Variants in DNAH1 observed in about 807,000 individuals in gnomAD.
DNAH1 encodes axonemal beta dynein heavy chain 1.
A neutral mutation model predicts 484.3 loss-of-function variants in DNAH1; 327 were observed. That is an observed-to-expected ratio of 0.68 (90% confidence interval 0.62 to 0.74). DNAH1 has a LOEUF of 0.74. DNAH1 is among the 30% of genes least tolerant of loss of function. DNAH1 has a pLI of 0.00. For synonymous variants in DNAH1, 2,192 were observed against 2,191.9 expected (o/e 1.00, Z 0.00); for missense variants, 5,052 against 5,546.8 (o/e 0.91, Z 2.83).
At chr3:52,347,382 G>A (rs902097982) in intron 11 of DNAH1, among the ~76,000 whole-genome samples, 2 of 152,196 alleles carry the variant, frequency 1.3e-5, no homozygotes, top group African/African-American at 4.8e-5. Context: ...GCAGGGACCA[G>A]GCCAGATCTC....
In DNAH1 at chr3:52,379,015, CGAG is replaced by C. The variant is rs1363401153; in HGVS notation, c.7377+237_7377+239del. On this transcript the variant is annotated intron_variant, in intron 47 of 77. Transcript: ENST00000420323. This position sits in a 1 kb window ranked among gnomAD's most constrained non-coding sequence, Gnocchi z 4.4. ...ATCACATGAGAGAGCCAGGGCAAGA[CGAG>C]GGAGAAAGAGGGCTTCTGGTTTGGG... 6.6e-6 allele frequency among the ~76,000 whole-genome samples: 1 copy of C among 152,114 alleles called. No homozygotes were observed. Among genetic ancestry groups the C allele is most frequent in the African/African-American group, 2.4e-5 (1 of 41,410 alleles).
intron 55 of DNAH1, 74 bp from the exon 56 acceptor site, chr3:52,386,588 C>A (rs1270966737): frequency 1.4e-6 from 2 of 1,453,528 alleles, no homozygotes; most frequent in African/African-American, 2.9e-5. Flanking sequence ...GTAGGGCCAA[C>A]CTTTCTGGCA....
Position 52,391,187 on chromosome 3 carries a change from C to G in DNAH1, c.9750C>G (p.Asp3250Glu), listed in dbSNP as rs1704359724. 7 of 1,613,966 alleles carry G rather than the reference C, an allele frequency of 4.3e-6. No homozygotes were observed. Among genetic ancestry groups the G allele is most frequent in the Non-Finnish European group, 5.9e-6 (7 of 1,179,878 alleles). ...ANKWIKNMEK[D>E]NGLDVFKLSD... is the part of the protein sequence containing the mutation. The stretch of plus-strand genomic sequence containing the variant: ...TTCCCCTTCCCTTACAGGAGAAGGA[C>G]AATGGGCTGGATGTGTTCAAGTTGA... Residue 3250 changes from aspartate to glutamate, a missense_variant, in exon 62 of 78, where the codon GAC becomes GAG. Physicochemically the swap from Asp to Glu is conservative, Grantham distance 45. Around this residue, in one of 4 missense-constraint regions of DNAH1, gnomAD observed 2,929 missense variants for 3,409.4 expected, o/e 0.86. Transcript: ENST00000420323.
In DNAH1 at chr3:52,392,899, G is replaced by A; in HGVS notation, c.10348G>A (p.Ala3450Thr). Residue 3450 changes from alanine to threonine, a missense_variant, in exon 65 of 78, where the codon GCC (alanine) becomes ACC (threonine). Coordinates refer to ENST00000420323, the MANE Select transcript of DNAH1 (RefSeq NM_015512.5). ...GACGCGCATGGAGTACATACCCGTGGCCATCCGCACCCAGATCCTCTTCTT... is the reference window on the plus strand; with the variant it reads ...GACGCGCATGGAGTACATACCCGTGACCATCCGCACCCAGATCCTCTTCTT... ...DLTRMEYIPVAIRTQILFFCV... is the reference protein window; with the variant it reads ...DLTRMEYIPVTIRTQILFFCV... 1 of 1,611,798 alleles carries A rather than the reference G, an allele frequency of 6.2e-7. No homozygotes were observed. Among genetic ancestry groups the A allele is most frequent in the Non-Finnish European group, 8.5e-7 (1 of 1,179,536 alleles).
In DNAH1 at chr3:52,396,749, C is replaced by T. The variant is rs1704648365; in HGVS notation, c.11562C>T (p.Ile3854=). ...EFTDGDLRIC[I]SQLKMFLDEY... The stretch of plus-strand genomic sequence containing the variant: ...CGGATGGAGATCTGCGCATCTGCAT[C>T]AGCCAGCTCAAGATGTTCCTGGACG... The change falls in exon 72 of 78, where the codon ATC becomes ATT. Residue 3854 remains isoleucine (I), a synonymous_variant. Transcript: ENST00000420323. 1.2e-6 allele frequency: 2 copies of T among 1,613,800 alleles called. No individual in the cohort carries two copies. Among genetic ancestry groups the T allele is most frequent in the East Asian group, 2.2e-5 (1 of 44,872 alleles).
Position 52,360,313 on chromosome 3 carries a change from A to G in DNAH1, c.4574A>G (p.Tyr1525Cys), listed in dbSNP as rs571496782. The G allele has an allele frequency of 1.2e-5, 19 of 1,612,898 alleles. No homozygotes were observed. In the South Asian group the frequency reaches 2.0e-4, roughly 17 times the overall value. Reference protein sequence around the residue: ...NDFQWISQLRYYWTNNDLYIR... With the variant: ...NDFQWISQLRCYWTNNDLYIR... ...CCCTCATCTCCCTGCACCGCCAGGTACTACTGGACAAATAATGACCTGTAT... is the reference window on the plus strand; with the variant it reads ...CCCTCATCTCCCTGCACCGCCAGGTGCTACTGGACAAATAATGACCTGTAT... The change falls in exon 28 of 78, where the codon TAC (tyrosine) becomes TGC (cysteine). Residue 1525 changes from tyrosine to cysteine, a missense_variant and splice_region_variant. Tyr to Cys is a radical substitution (Grantham distance 194). This residue lies in a region of DNAH1 where 2,929 missense variants were observed against 3,409.4 expected (regional missense o/e 0.86). Transcript: ENST00000420323.
chr3:52,331,014 G>A (rs1363402979), intron 6 of DNAH1, 134 bp from the exon 7 acceptor site: 3 of 1,138,646 alleles, frequency 2.6e-6, no homozygotes, highest in African/African-American at 3.2e-5. Flanking sequence ...CTGGAGCAGA[G>A]GGGGGCATCC....
Position 52,348,925 on chromosome 3 carries a change from T to C in DNAH1, c.2144T>C (p.Leu715Pro). ...GACATCTTCATCAGCGGTGACCCCC[T>C]GCTGGAGTCCGTGGGCCTTCATGAG... Reference protein sequence around the residue: ...MEDIFISGDPLLESVGLHEPL... With the variant: ...MEDIFISGDPPLESVGLHEPL... The change falls in exon 13 of 78, where the codon CTG (leucine) becomes CCG (proline). Residue 715 changes from leucine (L) to proline (P), a missense_variant. Transcript: ENST00000420323. 1 of 1,613,424 alleles carries C rather than the reference T, an allele frequency of 6.2e-7. No individual in the cohort carries two copies. The highest frequency in any genetic ancestry group is 8.5e-7 in the Non-Finnish European group (1 of 1,179,866).
chr3:52,349,222 C>T lies in DNAH1; in HGVS notation c.2328C>T (p.Ala776=). The stretch of plus-strand genomic sequence containing the variant: ...CCTACCAGACGCAGGGCCTGTTGGC[C>T]CAGGAGGTGCGGGAGGTAGTGCTCA... The part of the protein sequence containing the change: ...LKTYQTQGLL[A]QEVREVVLTH... Residue 776 remains alanine, a synonymous_variant, in exon 14 of 78, where the codon GCC becomes GCT. Coordinates refer to ENST00000420323, the MANE Select transcript of DNAH1 (RefSeq NM_015512.5). 2 of 1,613,792 alleles carry T rather than the reference C, an allele frequency of 1.2e-6. No individual in the cohort carries two copies. The highest frequency in any genetic ancestry group is 1.3e-5 in the African/African-American group (1 of 75,046).
At position 52,389,487 on chromosome 3, in the gene DNAH1, C is replaced by T. The variant is rs749898990; in HGVS notation, c.9522C>T (p.Asp3174=). ...FTGQYRTVLY[D]SWVKQLRSHN... ...GCCAGTACCGCACGGTGCTCTACGA[C>T]AGCTGGGTCAAGCAGCTCAGGAGCC... is the stretch of plus-strand genomic sequence containing the variant. The change falls in exon 60 of 78, where the codon GAC becomes GAT. Residue 3174 remains aspartate, a synonymous_variant. Coordinates refer to ENST00000420323, the MANE Select transcript of DNAH1 (RefSeq NM_015512.5). 2 of 1,608,028 alleles carry T rather than the reference C, an allele frequency of 1.2e-6. No individual in the cohort carries two copies. Among genetic ancestry groups the T allele is most frequent in the South Asian group, 1.1e-5 (1 of 89,688 alleles).
chr3:52,346,438 G>T, intron 10 of DNAH1, 34 bp from the exon 11 acceptor site: 1 of 1,578,260 alleles, frequency 6.3e-7, no homozygotes, highest in Non-Finnish European at 8.6e-7. Context: ...GGGTCCCCAG[G>T]GTGGCCATAT....
rs1296484909 is a variant in DNAH1 at position 52,358,348 on chromosome 3, G to A, written c.4087-210G>A. On this transcript the variant is annotated intron_variant, in intron 24 of 77. Coordinates refer to ENST00000420323, the MANE Select transcript of DNAH1 (RefSeq NM_015512.5). The surrounding 1 kb of genome is among the most constrained non-coding windows in gnomAD (Gnocchi z 4.2). ...CCTTCCCTAAAGCCTGCTTCATGCC[G>A]GGCCTGGGCTGGGGCCTGACCACTG... Among the ~76,000 whole-genome samples, 2 of 152,184 alleles carry A rather than the reference G, an allele frequency of 1.3e-5. No individual in the cohort carries two copies. The highest frequency in any genetic ancestry group is 2.9e-5 in the Non-Finnish European group (2 of 68,022).
intron 32 of DNAH1, among the ~76,000 whole-genome samples, chr3:52,363,578 G>T (rs1298523345): frequency 6.6e-6 from 1 of 152,216 alleles, no homozygotes; most frequent in Non-Finnish European, 1.5e-5. Flanking sequence ...AGATTCCAAG[G>T]ACAGATGGGG....
intron 76 of DNAH1, 96 bp downstream of exon 76, chr3:52,399,297 C>CCCTAAGCCAGGGCATGGAAAGA (rs1559579630): frequency 1.5e-6 from 2 of 1,313,858 alleles, no homozygotes; most frequent in African/African-American, 1.5e-5. Context: ...GTTGGGGGAC[C>CCCTAAGCCAGGGCATGGAAAGA]CCTAAGCCAG....
chr3:52,393,554 G>A, intron 66 of DNAH1, 69 bp downstream of exon 66: 1 of 1,585,836 alleles, frequency 6.3e-7, no homozygotes, highest in South Asian at 1.1e-5. Flanking sequence ...AGAACAGGGT[G>A]GAAGGAAAGG....
chr3:52,353,039 C>A lies in DNAH1; in HGVS notation c.3028-64C>A. The A allele has an allele frequency of 6.7e-7, 1 of 1,498,786 alleles. No homozygotes were observed. The highest frequency in any genetic ancestry group is 1.4e-5 in the African/African-American group (1 of 72,342). The allele number at this position is 1,498,786 out of a possible 1,614,324, so 92.8% of individuals were successfully genotyped here. A position where few individuals can be genotyped will look rare whatever the true frequency, so the allele number is the denominator to read the frequency against. On this transcript the variant is annotated intron_variant, in intron 18 of 77. Transcript: ENST00000420323. This position sits in a 1 kb window ranked among gnomAD's most constrained non-coding sequence, Gnocchi z 5.0. The stretch of plus-strand genomic sequence containing the variant: ...GGAGAGGACCTGGCCCAAGAAGGGG[C>A]AACATGGAGAGAGACTGGGAAGTGT...
Position 52,395,163 on chromosome 3 carries a change from C to G in DNAH1, c.10968+104C>G. ...ATAGACTACTTGGCCAGGCCAGGAC[C>G]CCTGCTTGCTCCCTAAAGGCTCTGA... On this transcript the variant is annotated intron_variant, in intron 68 of 77. Transcript: ENST00000420323. This position sits in a 1 kb window ranked among gnomAD's most constrained non-coding sequence, Gnocchi z 4.4. 1 of 1,502,838 alleles carries G rather than the reference C, an allele frequency of 6.7e-7. No homozygotes were observed. The highest frequency in any genetic ancestry group is 8.9e-7 in the Non-Finnish European group (1 of 1,119,008). The allele number at this position is 1,502,838 out of a possible 1,614,324, so 93.1% of individuals were successfully genotyped here.
At chr3:52,372,809 A>G in intron 43 of DNAH1, 87 bp from the exon 44 acceptor site, 1 of 1,516,476 alleles carries the variant, frequency 6.6e-7, no homozygotes, top group Non-Finnish European at 8.8e-7. Flanking sequence ...AGGGCTTCCC[A>G]GAGGCAAAGC....
chr3:52,375,925 G>A (rs1396985976), intron 45 of DNAH1, 30 bp from the exon 46 acceptor site: 3 of 1,611,002 alleles, frequency 1.9e-6, no homozygotes, highest in Non-Finnish European at 1.7e-6. Flanking sequence ...ACCTAACCCT[G>A]AGCCCCGTGT....
Sources: gnomAD v4.1 joint callset for allele counts (sites outside exome capture counted in the v4.1 genomes callset) on GRCh38, gnomAD v4.1.1 for gene constraint, gnomAD v4.1.1 regional missense constraint, Gnocchi (gnomAD v3.1) non-coding constraint, MANE v1.5 for transcripts, NCBI Gene and HGNC (gene_info 2026-07-23, HGNC 2026-07-21) for gene names.